Variants in ANKS1A observed in about 807,000 individuals in gnomAD.
ANKS1A encodes the protein ankyrin repeat and sterile alpha motif domain containing 1A.
A neutral mutation model predicts 120.3 loss-of-function variants in ANKS1A; 55 were observed. The observed-to-expected ratio is 0.46, with a 90% CI of 0.37 to 0.57. The LOEUF (loss-of-function observed/expected upper bound fraction) is 0.57. Among genes scored for constraint, ANKS1A ranks in the 20% least tolerant of loss-of-function variants. The probability of loss-of-function intolerance (pLI) is 0.00; values close to 1 mark genes in which losing one functional copy is unlikely to be tolerated. For missense variants in ANKS1A, 1,123 were observed against 1,480.3 expected, an observed-to-expected ratio of 0.76 and a Z score of 3.96; for synonymous variants, 590 against 604.7, an observed-to-expected ratio of 0.98 and a Z score of 0.36.
chr6:34,923,134 A>G (rs1430394180), intron 1 of ANKS1A, among the ~76,000 whole-genome samples: 1 of 152,246 alleles, frequency 6.6e-6, no homozygotes, highest in Non-Finnish European at 1.5e-5. Flanking sequence ...TGAGGGCTTC[A>G]GAGATCAAGG....
In ANKS1A at chr6:35,088,648, G is replaced by A. The variant is rs369393468; in HGVS notation, c.*39G>A. The A allele has an allele frequency of 4.0e-5, 64 of 1,614,156 alleles. No homozygotes were observed. In the Middle Eastern group the frequency reaches 4.9e-4, roughly 12 times the overall value. ...CACACTGTGCTGCGGAAACATAGAC[G>A]TGGGGGCATAGGCTCCCACTGCCAC... On this transcript the variant is annotated 3_prime_UTR_variant, in exon 24 of 24. Coordinates refer to ENST00000360359, the MANE Select transcript of ANKS1A (RefSeq NM_015245.3).
At chr6:35,041,082 G>A (rs1323360618) in intron 11 of ANKS1A, among the ~76,000 whole-genome samples, 1 of 152,224 alleles carries the variant, frequency 6.6e-6, no homozygotes, top group Non-Finnish European at 1.5e-5. Flanking sequence ...AGCCAACAAT[G>A]GGGATGTTAT....
At chr6:35,017,290 CA>C (rs1774069651) in intron 10 of ANKS1A, among the ~76,000 whole-genome samples, 182 bp from the exon 11 acceptor site, 1 of 152,158 alleles carries the variant, frequency 6.6e-6, no homozygotes, top group African/African-American at 2.4e-5. Context: ...ACATTAAGAA[CA>C]ATATGAAAAC....
Position 35,060,980 on chromosome 6 carries a change from G to T in ANKS1A, c.2184+727G>T, listed in dbSNP as rs111994949. Among the ~76,000 whole-genome samples, 2 of 152,170 alleles carry T rather than the reference G, an allele frequency of 1.3e-5. No individual in the cohort carries two copies. Among genetic ancestry groups the T allele is most frequent in the African/African-American group, 4.8e-5 (2 of 41,432 alleles). ...AGCCCTTCTAGAGGCATCTGCATGCGCCGGGCCTGCTTCCAGGAGCAGGCA... is the reference window on the plus strand; with the variant it reads ...AGCCCTTCTAGAGGCATCTGCATGCTCCGGGCCTGCTTCCAGGAGCAGGCA... On this transcript the variant is annotated intron_variant, in intron 13 of 23. Transcript: ENST00000360359. The surrounding 1 kb of genome is among the most constrained non-coding windows in gnomAD (Gnocchi z 4.5).
At chr6:35,014,311 T>C (rs1773904060) in intron 10 of ANKS1A, among the ~76,000 whole-genome samples, 1 of 152,238 alleles carries the variant, frequency 6.6e-6, no homozygotes, top group South Asian at 2.1e-4. Context: ...GGCTAAGTCA[T>C]ATGATTATAA....
At chr6:35,072,761 C>T (rs1183214431) in intron 13 of ANKS1A, among the ~76,000 whole-genome samples, 3 of 152,186 alleles carry the variant, frequency 2.0e-5, no homozygotes, top group African/African-American at 7.2e-5. Context: ...CATTTATGCG[C>T]GATGCTGAGA....
intron 2 of ANKS1A, 23 bp from the exon 3 acceptor site, chr6:34,969,987 C>G (rs748571896): frequency 6.2e-7 from 1 of 1,610,428 alleles, no homozygotes; most frequent in South Asian, 1.1e-5. Context: ...TCTACCAACT[C>G]ATGATTGATT....
rs780654624 is a variant in ANKS1A at position 35,018,075 on chromosome 6, C to T, written c.2010+16C>T. Reference sequence around the variant, plus strand: ...GTGGGATGAGGTAAGGCCGACATGACGTCACAGGGAGCTGGGCTGGCCAGG... The same window carrying T: ...GTGGGATGAGGTAAGGCCGACATGATGTCACAGGGAGCTGGGCTGGCCAGG... On this transcript the variant is annotated intron_variant, in intron 11 of 23. Coordinates refer to ENST00000360359, the MANE Select transcript of ANKS1A (RefSeq NM_015245.3). 14 of 1,607,914 alleles carry T rather than the reference C, an allele frequency of 8.7e-6. No individual in the cohort carries two copies. Among genetic ancestry groups the T allele is most frequent in the South Asian group, 4.4e-5 (4 of 90,308 alleles).
Position 34,982,106 on chromosome 6 carries a change from T to C in ANKS1A, c.732+120T>C. On this transcript the variant is annotated intron_variant, in intron 4 of 23. Transcript: ENST00000360359. This position sits in a 1 kb window ranked among gnomAD's most constrained non-coding sequence, Gnocchi z 4.9. ...AGCACGTTTCACATCATGTTTCAAA[T>C]GCTTATTTGCCGACTCATTCTAATG... 2 of 1,235,366 alleles carry C rather than the reference T, an allele frequency of 1.6e-6. No homozygotes were observed. The highest frequency in any genetic ancestry group is 2.2e-6 in the Non-Finnish European group (2 of 901,054). The allele number at this position is 1,235,366 out of a possible 1,614,324, so 76.5% of individuals were successfully genotyped here.
chr6:35,017,489 C>A lies in ANKS1A; in HGVS notation c.1440C>A (p.Ser480Arg). The A allele has an allele frequency of 6.2e-7, 1 of 1,605,232 alleles. No individual in the cohort carries two copies. Among genetic ancestry groups the A allele is most frequent in the African/African-American group, 1.3e-5 (1 of 74,836 alleles). ...DGKTKDHRRS[S>R]SSRSQDSAEG... ...CACTCCAAGACCACAGGCGGAGCAG[C>A]AGCAGCCGGAGCCAGGACTCTGCGG... The change falls in exon 11 of 24, where the codon AGC (serine) becomes AGA (arginine). Residue 480 changes from serine (S) to arginine (R), a missense_variant. By Grantham distance (110) the Ser-to-Arg change is moderately radical (BLOSUM62 -1). This residue lies in a region of ANKS1A where 904 missense variants were observed against 1,130.4 expected (regional missense o/e 0.80). Coordinates refer to ENST00000360359, the MANE Select transcript of ANKS1A (RefSeq NM_015245.3).
chr6:34,924,900 C>T (rs912875644), intron 1 of ANKS1A, among the ~76,000 whole-genome samples: 6 of 152,160 alleles, frequency 3.9e-5, no homozygotes, highest in Admixed American at 3.3e-4. Flanking sequence ...GGATTATAGG[C>T]GTGAGCCACC....
chr6:34,896,846 C>T (rs944893729), intron 1 of ANKS1A, among the ~76,000 whole-genome samples: 7 of 152,220 alleles, frequency 4.6e-5, no homozygotes, highest in Middle Eastern at 6.8e-3. Flanking sequence ...CATCTGTAAT[C>T]CCAGCTACTT....
chr6:35,045,928 C>G (rs548329639), intron 11 of ANKS1A, among the ~76,000 whole-genome samples: 81 of 152,082 alleles, frequency 5.3e-4, no homozygotes, highest in African/African-American at 1.9e-3. Flanking sequence ...TTGCTGTGAG[C>G]ACATGAATTC....
intron 3 of ANKS1A, chr6:34,972,641 A>G: frequency 2.0e-6 from 2 of 985,222 alleles, no homozygotes; most frequent in South Asian, 9.4e-5. Context: ...TATCAATGCC[A>G]AGGTGTGTAC....
chr6:35,091,120 C>T lies in ANKS1A; in HGVS notation c.*2511C>T. On this transcript the variant is annotated 3_prime_UTR_variant, in exon 24 of 24. Coordinates refer to ENST00000360359, the MANE Select transcript of ANKS1A (RefSeq NM_015245.3). ...TTGTTGCTCATGGTGTGGCAATGGACTGAACTGTAATGAAAATGTTATTTA... is the reference window on the plus strand; with the variant it reads ...TTGTTGCTCATGGTGTGGCAATGGATTGAACTGTAATGAAAATGTTATTTA... 1 of 985,906 alleles carries T rather than the reference C, an allele frequency of 1.0e-6. No homozygotes were observed. The highest frequency in any genetic ancestry group is 1.2e-6 in the Non-Finnish European group (1 of 829,942). 61.1% of individuals were successfully genotyped at this position (985,906 alleles called of 1,614,324 possible). A position where few individuals can be genotyped will look rare whatever the true frequency, so the allele number is the denominator to read the frequency against.
chr6:35,023,699 T>A lies in ANKS1A; in HGVS notation c.2010+5640T>A, dbSNP rs1411042799. On this transcript the variant is annotated intron_variant, in intron 11 of 23. Coordinates refer to ENST00000360359, the MANE Select transcript of ANKS1A (RefSeq NM_015245.3). ...GCTCTAAAGGAAAGGGTAGAGAGAT[T>A]CGACCAATTAGCGTGGAAGTTGGAG... 5 of 363,620 alleles carry A rather than the reference T, an allele frequency of 1.4e-5. No individual in the cohort carries two copies. In the East Asian group the frequency reaches 3.1e-4, roughly 22 times the overall value. The allele number at this position is 363,620 out of a possible 1,614,324, so 22.5% of individuals were successfully genotyped here.
At chr6:35,035,033 G>A (rs868788208) in intron 11 of ANKS1A, among the ~76,000 whole-genome samples, 2 of 152,332 alleles carry the variant, frequency 1.3e-5, no homozygotes, top group Admixed American at 6.5e-5. Flanking sequence ...GCTTGGGAAC[G>A]GCCTCGCCCT....
At chr6:34,979,024 T>C (rs1482039562) in intron 3 of ANKS1A, among the ~76,000 whole-genome samples, 1 of 151,348 alleles carries the variant, frequency 6.6e-6, no homozygotes, top group Non-Finnish European at 1.5e-5. Flanking sequence ...GCCTCCCGAG[T>C]AGCTGGTACT....
chr6:34,891,878 C>T (rs528917670), intron 1 of ANKS1A, among the ~76,000 whole-genome samples: 6 of 152,338 alleles, frequency 3.9e-5, no homozygotes, highest in South Asian at 4.1e-4. Context: ...CCGCCGGCCT[C>T]GGCCTCCCAA....
Sources: gnomAD v4.1 joint callset for allele counts (sites outside exome capture counted in the v4.1 genomes callset) on GRCh38, gnomAD v4.1.1 for gene constraint, gnomAD v4.1.1 regional missense constraint, Gnocchi (gnomAD v3.1) non-coding constraint, MANE v1.5 for transcripts, NCBI Gene and HGNC (gene_info 2026-07-23, HGNC 2026-07-21) for gene names.